The following KSR2 variants were observed in gnomAD, a reference collection of about 807,000 sequenced individuals.
The protein encoded by KSR2 is kinase suppressor of ras 2.
KSR2 carries 25 observed loss-of-function variants against 107.8 expected under a neutral mutation model. The observed-to-expected ratio is 0.23, with a 90% CI of 0.17 to 0.32. The LOEUF (loss-of-function observed/expected upper bound fraction) is 0.32. Among genes scored for constraint, KSR2 ranks in the 10% least tolerant of loss-of-function variants. The pLI, the probability that KSR2 is intolerant of heterozygous loss-of-function variation, is 1.00. For synonymous variants in KSR2, 480 were observed against 507.0 expected (o/e 0.95, Z 0.71); for missense variants, 887 against 1,268.9 (o/e 0.70, Z 4.57).
At chr12:117,857,064 G>C (rs1478003156) in intron 2 of KSR2, among the ~76,000 whole-genome samples, 1 of 151,932 alleles carries the variant, frequency 6.6e-6, no homozygotes, top group Non-Finnish European at 1.5e-5. Flanking sequence ...TCTGGTTGTT[G>C]TTTTTCTTAA....
rs1872358383 is a variant in KSR2 at position 117,484,679 on chromosome 12, C to T, written c.2317-130G>A. 2 of 901,236 alleles carry T rather than the reference C, an allele frequency of 2.2e-6. 1 individual carries two copies. Among genetic ancestry groups the T allele is most frequent in the South Asian group, 3.5e-5 (2 of 57,672 alleles). The allele number at this position is 901,236 out of a possible 1,614,324, so 55.8% of individuals were successfully genotyped here. A position where few individuals can be genotyped will look rare whatever the true frequency, so the allele number is the denominator to read the frequency against. ...GGGACCACACTCAACAGAGGCAGGG[C>T]CTGGGGTCTGACCGTGGGTCCTGGG... On this transcript the variant is annotated intron_variant, in intron 15 of 19. Coordinates refer to ENST00000339824, the MANE Select transcript of KSR2 (RefSeq NM_173598.6).
At chr12:117,574,157 T>C (rs918202596) in intron 7 of KSR2, among the ~76,000 whole-genome samples, 1 of 151,988 alleles carries the variant, frequency 6.6e-6, no homozygotes, top group Non-Finnish European at 1.5e-5. Context: ...CCAGAGGTAT[T>C]GAACCTGAGA....
Position 117,582,230 on chromosome 12 carries a change from A to C in KSR2, c.1241+60T>G, listed in dbSNP as rs902326610. The C allele has an allele frequency of 4.4e-5, 63 of 1,434,132 alleles. No individual in the cohort carries two copies. In the African/African-American group the frequency reaches 8.3e-4, roughly 19 times the overall value. 88.8% of individuals were successfully genotyped at this position (1,434,132 alleles called of 1,614,324 possible). ...TCTCTCACCCCAGGGCAGGGGCCAG[A>C]GCCCCCACCCCTCACAGAGCTGAGA... On this transcript the variant is annotated intron_variant, in intron 6 of 19. Transcript: ENST00000339824.
intron 4 of KSR2, among the ~76,000 whole-genome samples, chr12:117,678,102 A>T (rs1593121498): frequency 7.8e-6 from 1 of 127,544 alleles, no homozygotes; most frequent in Non-Finnish European, 1.7e-5. Flanking sequence ...AGCCCAGCTA[A>T]TTTTTTTTTT....
intron 19 of KSR2, chr12:117,467,760 G>T (rs1871226344): frequency 2.4e-6 from 1 of 423,218 alleles, no homozygotes; most frequent in African/African-American, 2.1e-5. Flanking sequence ...CATTTATTTT[G>T]TTGACTGCTG....
At chr12:117,476,709 A>C in intron 16 of KSR2, 114 bp from the exon 17 acceptor site, 1 of 1,151,956 alleles carries the variant, frequency 8.7e-7, no homozygotes, top group Non-Finnish European at 1.2e-6. Context: ...CGCTTCCCAC[A>C]TTGAGCACTG....
At chr12:117,623,615 A>G (rs1882311623) in intron 5 of KSR2, among the ~76,000 whole-genome samples, 1 of 152,230 alleles carries the variant, frequency 6.6e-6, no homozygotes, top group Non-Finnish European at 1.5e-5. Context: ...ACATTTGCTT[A>G]ATCCAGTCTA....
chr12:117,604,103 T>C (rs1019910499), intron 5 of KSR2, among the ~76,000 whole-genome samples: 7 of 152,194 alleles, frequency 4.6e-5, no homozygotes, highest in Non-Finnish European at 1.0e-4. Context: ...CGCCATTTTT[T>C]TGACATGGGA....
In KSR2 at chr12:117,476,510, C is replaced by T; in HGVS notation, c.2536G>A (p.Glu846Lys). The change falls in exon 17 of 20, where the codon GAG becomes AAG. Residue 846 changes from glutamate to lysine, a missense_variant. Transcript: ENST00000339824. ...TGCTTGGAGAAGGGGAGCTTATCCT[C>T]CTCTGTGTCGGGGGACAGCTGGCGG... ...IIRQLSPDTE[E>K]DKLPFSKHSD... 2 of 1,608,126 alleles carry T rather than the reference C, an allele frequency of 1.2e-6. No individual in the cohort carries two copies. Among genetic ancestry groups the T allele is most frequent in the Non-Finnish European group, 1.7e-6 (2 of 1,177,508 alleles).
At chr12:117,866,259 C>T (rs530887122) in intron 1 of KSR2, among the ~76,000 whole-genome samples, 3 of 152,118 alleles carry the variant, frequency 2.0e-5, no homozygotes, top group African/African-American at 7.2e-5. Flanking sequence ...TACTTGGTTG[C>T]CCAGGCTGGT....
intron 12 of KSR2, 43 bp from the exon 13 acceptor site, chr12:117,527,162 C>G (rs774923701): frequency 6.9e-7 from 1 of 1,454,760 alleles, no homozygotes; most frequent in African/African-American, 1.4e-5. Flanking sequence ...GGTGAAAAGG[C>G]AGGTCTATAT....
chr12:117,536,865 T>C (rs1876089467), intron 10 of KSR2, among the ~76,000 whole-genome samples: 1 of 152,238 alleles, frequency 6.6e-6, no homozygotes, highest in Non-Finnish European at 1.5e-5. Context: ...AGTGCAAGCG[T>C]TTCTGTATAT....
intron 1 of KSR2, among the ~76,000 whole-genome samples, chr12:117,913,368 C>T (rs933242449): frequency 1.2e-4 from 19 of 152,258 alleles, no homozygotes; most frequent in Admixed American, 5.9e-4. Flanking sequence ...TACCTTTCCA[C>T]ATATCTAACC....
chr12:117,957,918 G>A (rs771387240), intron 1 of KSR2, among the ~76,000 whole-genome samples: 11 of 150,006 alleles, frequency 7.3e-5, no homozygotes, highest in East Asian at 6.0e-4. Flanking sequence ...TGCAACCTGC[G>A]CCTCCTGGGT....
At chr12:117,730,430 C>T (rs1316154569) in intron 4 of KSR2, among the ~76,000 whole-genome samples, 1 of 151,738 alleles carries the variant, frequency 6.6e-6, no homozygotes, top group Non-Finnish European at 1.5e-5. Flanking sequence ...CCCTCTCCCT[C>T]TCCCTCTCCT....
chr12:117,625,671 T>G (rs1244191388), intron 5 of KSR2, among the ~76,000 whole-genome samples: 1 of 152,168 alleles, frequency 6.6e-6, no homozygotes, highest in Non-Finnish European at 1.5e-5. Context: ...TTTCTTTTTT[T>G]GTTGTGTCTC....
intron 5 of KSR2, among the ~76,000 whole-genome samples, chr12:117,666,038 A>T (rs1483768766): frequency 6.6e-6 from 1 of 152,144 alleles, no homozygotes; most frequent in African/African-American, 2.4e-5. Flanking sequence ...ACAAATTAAT[A>T]AATTGGCCTT....
At chr12:117,726,773 T>C (rs568948823) in intron 4 of KSR2, among the ~76,000 whole-genome samples, 3 of 152,314 alleles carry the variant, frequency 2.0e-5, no homozygotes, top group South Asian at 2.1e-4. Context: ...AAAACACATA[T>C]GCTAGGACCT....
intron 3 of KSR2, among the ~76,000 whole-genome samples, chr12:117,840,999 CAA>C (rs11452478): frequency 2.1e-5 from 3 of 140,666 alleles, no homozygotes; most frequent in Non-Finnish European, 3.1e-5. Flanking sequence ...GATTCTGTCT[CAA>C]AAAAAAAAAA....
Sources: allele counts gnomAD v4.1 joint callset (sites outside exome capture counted in the v4.1 genomes callset), GRCh38; gene constraint gnomAD v4.1.1; transcripts MANE v1.5; gene names NCBI Gene and HGNC (gene_info 2026-07-23, HGNC 2026-07-21).